TRIM41: variants seen among roughly 807,000 people sequenced by gnomAD.
TRIM41 encodes tripartite motif containing 41.
Under a neutral mutation model 60.6 loss-of-function variants are expected in TRIM41, and 21 were observed. That is an observed-to-expected ratio of 0.35 (90% CI 0.25 to 0.50). The LOEUF (loss-of-function observed/expected upper bound fraction) is 0.50. TRIM41 is among the 20% of genes least tolerant of loss of function. The probability of loss-of-function intolerance (pLI) is 0.98; values close to 1 mark genes in which losing one functional copy is unlikely to be tolerated. For missense variants in TRIM41, 846 were observed against 868.3 expected (o/e 0.97, Z 0.32); for synonymous variants, 407 against 344.9 (o/e 1.18, Z -2.00).
At chr5:181,225,254 C>T (rs764510801) in intron 1 of TRIM41, 34 of 210,550 alleles carry the variant, frequency 1.6e-4, no homozygotes, top group Non-Finnish European at 2.7e-4. Flanking sequence ...GCACTTGCCT[C>T]CCAGTGGGTT....
Position 181,223,867 on chromosome 5 carries a change from C to T in TRIM41, c.-133C>T, listed in dbSNP as rs1199060344. ...GGGGTGGGTTGTCGGCAGGACATCT[C>T]TCTGGCTGCTCTTGGGGCGAGGTGT... On this transcript the variant is annotated 5_prime_UTR_variant, in exon 1 of 6. Transcript: ENST00000315073. 11 of 880,458 alleles carry T rather than the reference C, an allele frequency of 1.2e-5. No individual in the cohort carries two copies. The highest frequency in any genetic ancestry group is 3.4e-5 in the South Asian group (2 of 58,914). 54.5% of individuals were successfully genotyped at this position (880,458 alleles called of 1,614,324 possible). A position where few individuals can be genotyped will look rare whatever the true frequency, so the allele number is the denominator to read the frequency against.
Position 181,224,563 on chromosome 5 carries a change from G to A in TRIM41, c.564G>A (p.Lys188=), listed in dbSNP as rs771928166. 16 of 1,613,952 alleles carry A rather than the reference G, an allele frequency of 9.9e-6. No individual in the cohort carries two copies. The East Asian group carries it at 1.8e-4, about 18-fold the overall frequency. The change falls in exon 1 of 6, where the codon AAG becomes AAA. Residue 188 remains lysine (K), a synonymous_variant. Coordinates refer to ENST00000315073, the MANE Select transcript of TRIM41 (RefSeq NM_033549.5). ...RRCFTCPQCR[K]SFPRRSFRPN... ...GCTTCACATGCCCTCAGTGCCGAAA[G>A]AGCTTTCCTCGGCGGAGCTTCCGCC...
intron 1 of TRIM41, chr5:181,225,076 C>G (rs1758489732): frequency 1.8e-6 from 1 of 547,338 alleles, no homozygotes; most frequent in African/African-American, 1.9e-5. Flanking sequence ...CAGATCAGGT[C>G]TCTAGGGCTT....
At chr5:181,224,881 A>G (rs773339699) in intron 1 of TRIM41, 69 bp downstream of exon 1, 3 of 1,601,524 alleles carry the variant, frequency 1.9e-6, no homozygotes, top group Non-Finnish European at 2.6e-6. Flanking sequence ...GGACCTGGGA[A>G]AAGGAAACAT....
At chr5:181,228,428 T>C (rs1365811335) in intron 1 of TRIM41, 1 of 143,186 alleles carries the variant, frequency 7.0e-6, no homozygotes, top group Non-Finnish European at 1.5e-5. Flanking sequence ...CATGATGGCA[T>C]GTGCCTGTAA....
At position 181,234,736 on chromosome 5, in the gene TRIM41, G is replaced by T. The variant is rs766019221; in HGVS notation, c.1854G>T (p.Arg618=). ...FLGERVFPFF[R]VLSKGTRIKL... is the part of the protein sequence containing the mutation. ...GCGAGCGTGTCTTTCCTTTCTTCCGGGTGCTCTCCAAGGGCACCCGCATCA... is the reference window on the plus strand; with the variant it reads ...GCGAGCGTGTCTTTCCTTTCTTCCGTGTGCTCTCCAAGGGCACCCGCATCA... Residue 618 remains arginine, a synonymous_variant, in exon 6 of 6, where the codon CGG becomes CGT. Coordinates refer to ENST00000315073, the MANE Select transcript of TRIM41 (RefSeq NM_033549.5). The surrounding 1 kb of genome is among the most constrained non-coding windows in gnomAD (Gnocchi z 5.6). 6.2e-7 allele frequency: 1 copy of T among 1,613,764 alleles called. No individual in the cohort carries two copies. The highest frequency in any genetic ancestry group is 8.5e-7 in the Non-Finnish European group (1 of 1,179,778).
intron 2 of TRIM41, 141 bp downstream of exon 2, chr5:181,230,980 G>T: frequency 1.4e-6 from 1 of 690,188 alleles, no homozygotes. Context: ...GCTTTCCCTA[G>T]GTGCTGAGGA....
At chr5:181,232,251 GGGAAA>G in intron 2 of TRIM41, 1 of 193,174 alleles carries the variant, frequency 5.2e-6, no homozygotes. Context: ...GGTACAGTGG[GGGAAA>G]GGATGTTAAC....
At position 181,224,347 on chromosome 5, in the gene TRIM41, C is replaced by G. The variant is rs780271793; in HGVS notation, c.348C>G (p.Ser116Arg). Residue 116 changes from serine (S) to arginine (R), a missense_variant, in exon 1 of 6, where the codon AGC (serine) becomes AGG (arginine). Coordinates refer to ENST00000315073, the MANE Select transcript of TRIM41 (RefSeq NM_033549.5). ...GGACCAGTGGCATGAGCAGGTCCAG[C>G]TGGGACAACATGGACTATGTGTGGG... ...VFWTSGMSRS[S>R]WDNMDYVWEE... 2.2e-5 allele frequency: 36 copies of G among 1,612,626 alleles called. No individual in the cohort carries two copies. The highest frequency in any genetic ancestry group is 2.9e-5 in the Non-Finnish European group (34 of 1,179,162).
chr5:181,235,110 T>C lies in TRIM41; in HGVS notation c.*335T>C, dbSNP rs1472861703. On this transcript the variant is annotated 3_prime_UTR_variant, in exon 6 of 6. Transcript: ENST00000315073. ...GGATGAGGGGAAATTGTAATTTCAT[T>C]CCTTAACTTCCTTTTCCCCACCCCT... 5 of 1,591,360 alleles carry C rather than the reference T, an allele frequency of 3.1e-6. No individual in the cohort carries two copies. The highest frequency in any genetic ancestry group is 2.2e-5 in the East Asian group (1 of 44,658).
In TRIM41 at chr5:181,235,243, C is replaced by G. The variant is rs1759048101; in HGVS notation, c.*468C>G. On this transcript the variant is annotated 3_prime_UTR_variant, in exon 6 of 6. Coordinates refer to ENST00000315073, the MANE Select transcript of TRIM41 (RefSeq NM_033549.5). ...GATTTTAGCTGAGGGATTTGGAAGC[C>G]ATTTGGGGAGGCAGGCTGGGCCAAA... 1 of 1,597,544 alleles carries G rather than the reference C, an allele frequency of 6.3e-7. No homozygotes were observed. The highest frequency in any genetic ancestry group is 1.3e-5 in the African/African-American group (1 of 74,544).
chr5:181,224,049 A>C lies in TRIM41; in HGVS notation c.50A>C (p.Glu17Ala), dbSNP rs1276861289. ...TPNPVQTLQEEAVCAICLDYF... is the reference protein window; with the variant it reads ...TPNPVQTLQEAAVCAICLDYF... ...AACCCTGTGCAGACCCTTCAGGAGG[A>C]GGCGGTGTGCGCCATCTGCCTCGAT... The change falls in exon 1 of 6, where the codon GAG becomes GCG. Residue 17 changes from glutamate to alanine, a missense_variant. Glu to Ala is a moderately radical substitution (Grantham distance 107). Coordinates refer to ENST00000315073, the MANE Select transcript of TRIM41 (RefSeq NM_033549.5). 3 of 1,614,184 alleles carry C rather than the reference A, an allele frequency of 1.9e-6. No homozygotes were observed. Among genetic ancestry groups the C allele is most frequent in the Admixed American group, 1.7e-5 (1 of 60,032 alleles).
Position 181,233,883 on chromosome 5 carries a change from A to C in TRIM41, c.1291+120A>C. 6.7e-7 allele frequency: 1 copy of C among 1,483,072 alleles called. No homozygotes were observed. Among genetic ancestry groups the C allele is most frequent in the Middle Eastern group, 1.7e-4 (1 of 5,734 alleles). The allele number at this position is 1,483,072 out of a possible 1,614,324, so 91.9% of individuals were successfully genotyped here. The stretch of plus-strand genomic sequence containing the variant: ...GCTTGAGATGGAGCAGGATCCAGGC[A>C]GCCACTCTGAGGTTGAGGTTTCAAG... On this transcript the variant is annotated intron_variant, in intron 5 of 5. Transcript: ENST00000315073. The surrounding 1 kb of genome is among the most constrained non-coding windows in gnomAD (Gnocchi z 4.1).
At chr5:181,230,971 C>T (rs2113172909) in intron 2 of TRIM41, 132 bp downstream of exon 2, 1 of 752,326 alleles carries the variant, frequency 1.3e-6, no homozygotes, top group Admixed American at 2.0e-5. Flanking sequence ...GGGGTAGATG[C>T]TTTCCCTAGG....
chr5:181,224,375 G>T lies in TRIM41; in HGVS notation c.376G>T (p.Glu126Ter), dbSNP rs1758442271. 1 of 1,612,730 alleles carries T rather than the reference G, an allele frequency of 6.2e-7. No homozygotes were observed. The highest frequency in any genetic ancestry group is 1.1e-5 in the South Asian group (1 of 91,032). ...SWDNMDYVWE[E>*]EDEEEDLDYY... Reference sequence around the variant, plus strand: ...GGACAACATGGACTATGTGTGGGAGGAGGAGGACGAGGAGGAAGACCTGGA... The same window carrying T: ...GGACAACATGGACTATGTGTGGGAGTAGGAGGACGAGGAGGAAGACCTGGA... Residue 126 changes from glutamate to a stop codon, truncating the protein, a stop_gained, in exon 1 of 6, where the codon GAG (glutamate) becomes TAG (stop). Transcript: ENST00000315073. LOFTEE classifies it high-confidence loss of function.
Position 181,224,056 on chromosome 5 carries a change from G to T in TRIM41, c.57G>T (p.Val19=). The change falls in exon 1 of 6, where the codon GTG becomes GTT. Residue 19 remains valine (V), a synonymous_variant. Coordinates refer to ENST00000315073, the MANE Select transcript of TRIM41 (RefSeq NM_033549.5). ...TGCAGACCCTTCAGGAGGAGGCGGTGTGCGCCATCTGCCTCGATTACTTCA... is the reference window on the plus strand; with the variant it reads ...TGCAGACCCTTCAGGAGGAGGCGGTTTGCGCCATCTGCCTCGATTACTTCA... ...NPVQTLQEEA[V]CAICLDYFTD... is the part of the protein sequence containing the mutation. The T allele has an allele frequency of 6.2e-7, 1 of 1,614,234 alleles. No homozygotes were observed. Among genetic ancestry groups the T allele is most frequent in the Non-Finnish European group, 8.5e-7 (1 of 1,180,046 alleles).
At position 181,232,823 on chromosome 5, in the gene TRIM41, C is replaced by T. The variant is rs1423331914; in HGVS notation, c.1074C>T (p.Ala358=). 1.3e-6 allele frequency: 2 copies of T among 1,575,514 alleles called. No individual in the cohort carries two copies. Among genetic ancestry groups the T allele is most frequent in the Non-Finnish European group, 1.7e-6 (2 of 1,162,570 alleles). ...AAASRLAEQA[A]QLSRLLAEAQ... The stretch of plus-strand genomic sequence containing the variant: ...CTAGTCGCCTTGCAGAACAGGCCGC[C>T]CAGCTCAGCCGCCTGCTGGCAGAGG... Residue 358 remains alanine, a synonymous_variant, in exon 3 of 6, where the codon GCC becomes GCT. Coordinates refer to ENST00000315073, the MANE Select transcript of TRIM41 (RefSeq NM_033549.5).
Position 181,233,646 on chromosome 5 carries a change from G to T in TRIM41, c.1174G>T (p.Val392Leu), listed in dbSNP as rs1758906685. 6.2e-7 allele frequency: 1 copy of T among 1,614,020 alleles called. No homozygotes were observed. Among genetic ancestry groups the T allele is most frequent in the African/African-American group, 1.3e-5 (1 of 74,910 alleles). Residue 392 changes from valine (V) to leucine (L), a missense_variant, in exon 5 of 6, where the codon GTA becomes TTA. Val to Leu is a conservative substitution (Grantham distance 32). Transcript: ENST00000315073. The surrounding 1 kb of genome is among the most constrained non-coding windows in gnomAD (Gnocchi z 4.1). ...GTCCCCTTCCTCCAGGTGTGAAGAGGTACAGCTGCAGCCCCCAGAGGTCTG... is the reference window on the plus strand; with the variant it reads ...GTCCCCTTCCTCCAGGTGTGAAGAGTTACAGCTGCAGCCCCCAGAGGTCTG... ...IKETFNRCEE[V>L]QLQPPEVWSP...
chr5:181,233,282 T>G lies in TRIM41; in HGVS notation c.1141-131T>G. ...ATGGATGTGTGTTCATTGAGGGCCG[T>G]GAGGGTGCTGCTTCTCCCTTCCTGC... On this transcript the variant is annotated intron_variant, in intron 3 of 5. Transcript: ENST00000315073. This position sits in a 1 kb window ranked among gnomAD's most constrained non-coding sequence, Gnocchi z 4.1. 1.1e-6 allele frequency: 1 copy of G among 951,376 alleles called. No individual in the cohort carries two copies. The highest frequency in any genetic ancestry group is 1.7e-6 in the Non-Finnish European group (1 of 586,700). 58.9% of individuals were successfully genotyped at this position (951,376 alleles called of 1,614,324 possible). A position where few individuals can be genotyped will look rare whatever the true frequency, so the allele number is the denominator to read the frequency against.
Sources: gnomAD v4.1 joint callset for allele counts on GRCh38, gnomAD v4.1.1 for gene constraint, Gnocchi (gnomAD v3.1) non-coding constraint, MANE v1.5 for transcripts, NCBI Gene and HGNC (gene_info 2026-07-23, HGNC 2026-07-21) for gene names.